The following CPT1C variants were observed in gnomAD, a reference collection of about 807,000 sequenced individuals.
The protein encoded by CPT1C is palmitoyl thioesterase CPT1C.
A neutral mutation model predicts 97.3 loss-of-function variants in CPT1C; 61 were observed. The ratio of observed to expected loss-of-function variants is 0.63; its 90% confidence interval spans 0.51 to 0.78. The LOEUF is 0.78. CPT1C is among the 30% of genes least tolerant of loss of function. The pLI is 0.00. For synonymous variants in CPT1C, 469 were observed against 447.2 expected, an observed-to-expected ratio of 1.05 and a Z score of -0.61; for missense variants, 975 against 1,065.5, an observed-to-expected ratio of 0.92 and a Z score of 1.18.
chr19:49,698,590 G>C (rs1024412482), intron 4 of CPT1C, among the ~76,000 whole-genome samples: 2 of 151,904 alleles, frequency 1.3e-5, no homozygotes, highest in Non-Finnish European at 2.9e-5. Flanking sequence ...TTGAACCCGG[G>C]AGGCGGAGGT....
chr19:49,711,529 C>T, intron 16 of CPT1C: 1 of 473,708 alleles, frequency 2.1e-6, no homozygotes, highest in East Asian at 3.7e-5. Context: ...CTCCCTTGCC[C>T]TACACCTAGC....
intron 12 of CPT1C, 107 bp from the exon 13 acceptor site, chr19:49,707,411 G>A: frequency 1.3e-6 from 1 of 781,190 alleles, no homozygotes; most frequent in Admixed American, 2.3e-5. Context: ...CACCCCAATG[G>A]ATTCCCACAT....
intron 7 of CPT1C, among the ~76,000 whole-genome samples, chr19:49,702,167 AAT>A (rs1226865775): frequency 7.9e-6 from 1 of 126,052 alleles, no homozygotes; most frequent in African/African-American, 2.9e-5. Context: ...ATTATAAATA[AAT>A]ATATATTTAT....
rs1018765350 is a variant in CPT1C at position 49,706,266 on chromosome 19, C to T, written c.1196C>T (p.Thr399Ile). The T allele has an allele frequency of 7.8e-6, 12 of 1,540,552 alleles. No individual in the cohort carries two copies. The highest frequency in any genetic ancestry group is 2.4e-5 in the East Asian group (1 of 42,474). Residue 399 changes from threonine (T) to isoleucine (I), a missense_variant, in exon 12 of 20, where the codon ACC becomes ATC. Thr to Ile is a moderately conservative substitution (Grantham distance 89). Coordinates refer to ENST00000598293, the MANE Select transcript of CPT1C (RefSeq NM_001199753.2). This position sits in a 1 kb window ranked among gnomAD's most constrained non-coding sequence, Gnocchi z 4.8. ...TWAQVRTSLK[T>I]QAAEALEAVE... ...GCCCAGGTGCGGACATCCCTGAAGA[C>T]CCAGGCAGCGGAGGCCCTGGAGGCG...
chr19:49,711,957 C>G lies in CPT1C; in HGVS notation c.2015C>G (p.Thr672Ser). Residue 672 changes from threonine (T) to serine (S), a missense_variant, in exon 17 of 20, where the codon ACC (threonine) becomes AGC (serine). Physicochemically the swap from Thr to Ser is moderately conservative, Grantham distance 58 (BLOSUM62 1). This residue lies in a region of CPT1C where 344 missense variants were observed against 395.7 expected (regional missense o/e 0.87). Transcript: ENST00000598293. Reference sequence around the variant, plus strand: ...CTCCACCTGCAGTCGCCCTTCCTGACCCAGGTTGGGGCACAGGGAAAGGGT... The same window carrying G: ...CTCCACCTGCAGTCGCCCTTCCTGAGCCAGGTTGGGGCACAGGGAAAGGGT... ...RFLHLQSPFL[T>S]QVHSEQWQLS... 1 of 1,613,670 alleles carries G rather than the reference C, an allele frequency of 6.2e-7. No individual in the cohort carries two copies.
intron 14 of CPT1C, 77 bp downstream of exon 14, chr19:49,708,916 A>C: frequency 2.2e-6 from 2 of 919,076 alleles, no homozygotes; most frequent in Non-Finnish European, 3.4e-6. Flanking sequence ...CCCACCCCTA[A>C]TCTGAACGTG....
intron 4 of CPT1C, among the ~76,000 whole-genome samples, chr19:49,699,709 C>T (rs970799704): frequency 3.9e-5 from 6 of 152,186 alleles, no homozygotes; most frequent in African/African-American, 1.4e-4. Flanking sequence ...TATCCCAGCA[C>T]TTTGGGAGGC....
chr19:49,697,602 G>C (rs899853061), intron 4 of CPT1C, 137 bp downstream of exon 4: 2 of 1,087,334 alleles, frequency 1.8e-6, no homozygotes, highest in South Asian at 3.2e-5. Context: ...TAAAGGCATG[G>C]CATGAAGAAA....
chr19:49,713,685 T>C lies in CPT1C; in HGVS notation c.*80T>C. 1 of 1,375,262 alleles carries C rather than the reference T, an allele frequency of 7.3e-7. No individual in the cohort carries two copies. Among genetic ancestry groups the C allele is most frequent in the Non-Finnish European group, 1.0e-6 (1 of 998,578 alleles). The allele number at this position is 1,375,262 out of a possible 1,614,324, so 85.2% of individuals were successfully genotyped here. A position where few individuals can be genotyped will look rare whatever the true frequency, so the allele number is the denominator to read the frequency against. On this transcript the variant is annotated 3_prime_UTR_variant, in exon 20 of 20. Coordinates refer to ENST00000598293, the MANE Select transcript of CPT1C (RefSeq NM_001199753.2). Reference sequence around the variant, plus strand: ...CTGGCTGACACAGGACAGGGGCAACTGGTTTGGCAACCCCACATCCAGGCC... The same window carrying C: ...CTGGCTGACACAGGACAGGGGCAACCGGTTTGGCAACCCCACATCCAGGCC...
rs1222935339 is a variant in CPT1C, at chr19:49,713,068, A to G, written c.2226+4A>G. On this transcript the variant is annotated splice_donor_region_variant and intron_variant, in intron 19 of 19. Coordinates refer to ENST00000598293, the MANE Select transcript of CPT1C (RefSeq NM_001199753.2). ...CAAAAAATCAAGCACAAAAACGGTG[A>G]GACAAACGTGTATACCCACCAACTC... The G allele has an allele frequency of 2.5e-6, 4 of 1,611,648 alleles. No homozygotes were observed. The highest frequency in any genetic ancestry group is 3.4e-6 in the Non-Finnish European group (4 of 1,177,754).
chr19:49,693,342 G>A (rs1267042867), intron 3 of CPT1C, among the ~76,000 whole-genome samples: 1 of 152,014 alleles, frequency 6.6e-6, no homozygotes, highest in East Asian at 1.9e-4. Flanking sequence ...GAACACCTGT[G>A]GGGTCATGAT....
chr19:49,701,651 C>T lies in CPT1C; in HGVS notation c.693+17C>T, dbSNP rs761370494. ...TCCAATTATGTGAGTCCCGCCACCG[C>T]CACCAACGCCCCACCTGAAGGGCTA... On this transcript the variant is annotated intron_variant, in intron 7 of 19. Coordinates refer to ENST00000598293, the MANE Select transcript of CPT1C (RefSeq NM_001199753.2). The T allele has an allele frequency of 5.7e-6, 9 of 1,583,182 alleles. No homozygotes were observed. In the South Asian group the frequency reaches 1.0e-4, roughly 18 times the overall value.
intron 4 of CPT1C, among the ~76,000 whole-genome samples, chr19:49,698,915 C>T (rs1031754650): frequency 6.6e-6 from 1 of 151,794 alleles, no homozygotes; most frequent in South Asian, 2.1e-4. Flanking sequence ...CCAGTCTGGC[C>T]AACATGGTGA....
intron 7 of CPT1C, among the ~76,000 whole-genome samples, chr19:49,703,590 TCCCTCCCTTCCTTCCTTCCTTCCTTCC>T (rs2083328412): frequency 1.8e-5 from 1 of 55,856 alleles, no homozygotes; most frequent in Non-Finnish European, 3.2e-5. Context: ...CCTCCCTCCC[TCCCTCCCTTCCTTCCTTCCTTCCTTCC>T]TTCTCTCTTT....
At chr19:49,712,439 C>T in intron 17 of CPT1C, 4 of 409,516 alleles carry the variant, frequency 9.8e-6, no homozygotes, top group Non-Finnish European at 1.8e-5. Context: ...GGAGAGGCAA[C>T]GGGACAACGG....
At chr19:49,712,629 C>A (rs1244094141) in intron 17 of CPT1C, 107 bp from the exon 18 acceptor site, 2 of 803,266 alleles carry the variant, frequency 2.5e-6, no homozygotes, top group South Asian at 1.5e-5. Context: ...AGAAGGAGGC[C>A]CGGATTTACG....
intron 14 of CPT1C, among the ~76,000 whole-genome samples, 194 bp from the exon 15 acceptor site, chr19:49,710,126 G>A (rs2083765256): frequency 6.6e-6 from 1 of 152,204 alleles, no homozygotes; most frequent in Non-Finnish European, 1.5e-5. Context: ...GGGATTACAG[G>A]CGTGCGCCAC....
At chr19:49,701,849 AT>A (rs1275236789) in intron 7 of CPT1C, among the ~76,000 whole-genome samples, 7 of 126,976 alleles carry the variant, frequency 5.5e-5, no homozygotes, top group African/African-American at 2.0e-4. Context: ...ATATATATTT[AT>A]TTATATATAA....
rs1416052452 is a variant in CPT1C, at chr19:49,701,617, T to C, written c.676T>C (p.Trp226Arg). ...LLQWYLRLKSWWASNYVSDWW... is the reference protein window; with the variant it reads ...LLQWYLRLKSRWASNYVSDWW... ...GCAGTGGTACCTGCGGCTCAAGTCC[T>C]GGTGGGCGTCCAATTATGTGAGTCC... is the stretch of plus-strand genomic sequence containing the variant. Residue 226 changes from tryptophan (W) to arginine (R), a missense_variant, in exon 7 of 20, where the codon TGG (tryptophan) becomes CGG (arginine). By Grantham distance (101) the Trp-to-Arg change is moderately radical. Transcript: ENST00000598293. 6.2e-6 allele frequency: 10 copies of C among 1,604,746 alleles called. No homozygotes were observed. Among genetic ancestry groups the C allele is most frequent in the Non-Finnish European group, 6.8e-6 (8 of 1,173,710 alleles).
Sources: gnomAD v4.1 joint callset for allele counts (sites outside exome capture counted in the v4.1 genomes callset) on GRCh38, gnomAD v4.1.1 for gene constraint, gnomAD v4.1.1 regional missense constraint, Gnocchi (gnomAD v3.1) non-coding constraint, MANE v1.5 for transcripts, NCBI Gene and HGNC (gene_info 2026-07-23, HGNC 2026-07-21) for gene names.